Variants in DOCK11 observed in about 807,000 individuals in gnomAD.
The protein encoded by DOCK11 is dedicator of cytokinesis protein 11.
In DOCK11, 70 loss-of-function variants were observed where a neutral mutation model predicts 169.1. The ratio of observed to expected loss-of-function variants is 0.41; its 90% CI spans 0.34 to 0.51. The LOEUF (loss-of-function observed/expected upper bound fraction) is 0.51, where lower values mean the gene tolerates loss of function less well. DOCK11 is among the 20% of genes least tolerant of loss of function. DOCK11 has a pLI of 0.10. For synonymous variants in DOCK11, 529 were observed against 541.3 expected (o/e 0.98, Z 0.32); for missense variants, 1,166 against 1,538.8 (o/e 0.76, Z 4.05).
At chrX:118,684,271 C>CTTTTT (rs1197326228) in intron 52 of DOCK11, among the ~76,000 whole-genome samples, 4 of 78,597 alleles carry the variant, frequency 5.1e-5, no homozygotes, top group Non-Finnish European at 7.5e-5. Context: ...TTTTTTTTTT[C>CTTTTT]TTTTTTTTTT....
intron 38 of DOCK11, 92 bp downstream of exon 38, chrX:118,639,669 C>T: frequency 1.0e-6 from 1 of 959,856 alleles, no homozygotes; most frequent in South Asian, 2.6e-5. Context: ...CCATAAATAC[C>T]TTGATCATTA....
intron 6 of DOCK11, among the ~76,000 whole-genome samples, chrX:118,557,647 CCA>C (rs749482914): frequency 3.8e-5 from 4 of 105,415 alleles, no homozygotes; most frequent in Non-Finnish European, 5.8e-5. Flanking sequence ...GCCCGTAGTC[CCA>C]GCTACTCAGG....
chrX:118,532,730 G>A (rs1161186234), intron 1 of DOCK11, among the ~76,000 whole-genome samples: 7 of 99,754 alleles, frequency 7.0e-5, no homozygotes, highest in African/African-American at 1.1e-4. Context: ...GCAGTGAGCC[G>A]AGATCGCGCC....
intron 1 of DOCK11, among the ~76,000 whole-genome samples, chrX:118,536,752 T>C (rs1462324167): frequency 9.0e-6 from 1 of 111,526 alleles, no homozygotes; most frequent in Non-Finnish European, 1.9e-5. Flanking sequence ...CAAGGTCTGT[T>C]TTTTTATTCA....
chrX:118,550,976 C>T (rs1170805330), intron 6 of DOCK11, among the ~76,000 whole-genome samples: 5 of 111,497 alleles, frequency 4.5e-5, no homozygotes, highest in African/African-American at 1.6e-4. Context: ...GTCATTTCCC[C>T]AATCCTGGAG....
At chrX:118,620,856 T>A (rs2014953758) in intron 31 of DOCK11, among the ~76,000 whole-genome samples, 1 of 112,286 alleles carries the variant, frequency 8.9e-6, no homozygotes, top group African/African-American at 3.2e-5. Context: ...ACTGGAAAAG[T>A]ACAAAATGAA....
At chrX:118,599,991 C>T (rs1603104921) in intron 23 of DOCK11, among the ~76,000 whole-genome samples, 3 of 111,819 alleles carry the variant, frequency 2.7e-5, no homozygotes. Context: ...GCTTGTATCC[C>T]ACATGTCACT....
chrX:118,504,455 C>T (rs1433549911), intron 1 of DOCK11, among the ~76,000 whole-genome samples: 1 of 111,975 alleles, frequency 8.9e-6, no homozygotes, highest in African/African-American at 3.3e-5. Flanking sequence ...CCATGCTCCA[C>T]GTCAAGAACC....
At chrX:118,621,085 T>C (rs2014959908) in intron 31 of DOCK11, among the ~76,000 whole-genome samples, 1 of 112,624 alleles carries the variant, frequency 8.9e-6, no homozygotes, top group Non-Finnish European at 1.9e-5. Flanking sequence ...TAGACACTCT[T>C]TGAGTGTTTG....
chrX:118,634,527 A>G (rs2015334257), intron 35 of DOCK11, among the ~76,000 whole-genome samples: 1 of 111,689 alleles, frequency 9.0e-6, no homozygotes, highest in Admixed American at 9.5e-5. Context: ...TTCGCTGGAG[A>G]GGAGGCACCA....
chrX:118,640,243 A>G (rs2015495626), intron 38 of DOCK11, among the ~76,000 whole-genome samples: 2 of 112,442 alleles, frequency 1.8e-5, no homozygotes, highest in Admixed American at 1.9e-4. Context: ...GCAAATATTA[A>G]TAACAACTCA....
At chrX:118,524,975 C>T (rs1475285502) in intron 1 of DOCK11, among the ~76,000 whole-genome samples, 1 of 110,677 alleles carries the variant, frequency 9.0e-6, no homozygotes, top group Non-Finnish European at 1.9e-5. Context: ...AAAACCCCAT[C>T]TCTACTAAAA....
intron 40 of DOCK11, among the ~76,000 whole-genome samples, chrX:118,647,941 TATAATATATA>T (rs1158015602): frequency 1.3e-4 from 7 of 53,340 alleles, no homozygotes; most frequent in East Asian, 5.8e-4. Flanking sequence ...TAATATATTT[TATAATATATA>T]ATAATATATA....
At chrX:118,535,396 T>C (rs961466268) in intron 1 of DOCK11, among the ~76,000 whole-genome samples, 12 of 111,762 alleles carry the variant, frequency 1.1e-4, no homozygotes, top group Non-Finnish European at 2.1e-4. Flanking sequence ...ATCATAGATA[T>C]AAAACGCTTA....
At chrX:118,595,575 G>A (rs772221237) in intron 20 of DOCK11, among the ~76,000 whole-genome samples, 7 of 111,819 alleles carry the variant, frequency 6.3e-5, no homozygotes, top group Non-Finnish European at 1.1e-4. Context: ...CTGGCAGAAC[G>A]ATGAGAACCC....
intron 35 of DOCK11, among the ~76,000 whole-genome samples, chrX:118,631,876 T>TA (rs2015251351): frequency 9.0e-6 from 1 of 110,993 alleles, no homozygotes; most frequent in Non-Finnish European, 1.9e-5. Flanking sequence ...CACACACACA[T>TA]ACACACACAT....
intron 6 of DOCK11, among the ~76,000 whole-genome samples, chrX:118,559,952 A>G (rs1292978273): frequency 9.0e-6 from 1 of 110,664 alleles, no homozygotes. Context: ...CTAATACAAT[A>G]ACATTTAATT....
At chrX:118,639,935 A>G (rs753380698) in intron 38 of DOCK11, among the ~76,000 whole-genome samples, 2 of 112,426 alleles carry the variant, frequency 1.8e-5, no homozygotes, top group Non-Finnish European at 1.9e-5. Context: ...TGGAATTGCT[A>G]TTCTCATAAT....
At chrX:118,576,654 G>A (rs6646238) in intron 12 of DOCK11, among the ~76,000 whole-genome samples, 3,015 of 112,154 alleles carry the variant, frequency 0.027, 98 homozygotes, top group East Asian at 0.16. Context: ...GCGCAGTGCA[G>A]CGTAGCAGCC....
Sources: allele counts gnomAD v4.1 joint callset (sites outside exome capture counted in the v4.1 genomes callset), GRCh38; gene constraint gnomAD v4.1.1; transcripts MANE v1.5; gene names NCBI Gene and HGNC (gene_info 2026-07-23, HGNC 2026-07-21).